The following CNTNAP2 variants were observed in gnomAD, a reference collection of about 807,000 sequenced individuals.
CNTNAP2 encodes the protein contactin-associated protein-like 2.
CNTNAP2 carries 98 observed loss-of-function variants against 155.2 expected under a neutral mutation model. The ratio of observed to expected loss-of-function variants is 0.63; its 90% CI spans 0.54 to 0.75. The LOEUF is 0.75. Among genes scored for constraint, CNTNAP2 ranks in the 30% least tolerant of loss-of-function variants. The probability of loss-of-function intolerance (pLI) is 0.00; values close to 1 mark genes in which losing one functional copy is unlikely to be tolerated. For synonymous variants in CNTNAP2, 651 were observed against 631.2 expected (o/e 1.03, Z -0.47); for missense variants, 1,727 against 1,688.1 (o/e 1.02, Z -0.40).
chr7:148,285,586 A>G (rs899765035), intron 21 of CNTNAP2, among the ~76,000 whole-genome samples: 3 of 152,272 alleles, frequency 2.0e-5, no homozygotes, highest in South Asian at 2.1e-4. Context: ...GCACTACATT[A>G]TCACTAATTC....
At chr7:148,118,426 C>T (rs1187936053) in intron 16 of CNTNAP2, 138 bp downstream of exon 16, 5 of 954,806 alleles carry the variant, frequency 5.2e-6, no homozygotes, top group Non-Finnish European at 8.0e-6. Context: ...GAGGTGGACA[C>T]ACAAGCCTGA....
intron 1 of CNTNAP2, among the ~76,000 whole-genome samples, chr7:146,544,615 G>T (rs1183278683): frequency 1.3e-5 from 2 of 151,898 alleles, no homozygotes; most frequent in African/African-American, 4.8e-5. Context: ...AGATAACTAG[G>T]ATCTCAGTTG....
chr7:146,234,448 C>A (rs563038209), intron 1 of CNTNAP2, among the ~76,000 whole-genome samples: 1 of 151,890 alleles, frequency 6.6e-6, no homozygotes, highest in African/African-American at 2.4e-5. Flanking sequence ...TTTTGCTGTG[C>A]AGAAGCTTTT....
intron 3 of CNTNAP2, among the ~76,000 whole-genome samples, chr7:146,910,631 T>C (rs1164792329): frequency 1.3e-5 from 2 of 150,576 alleles, no homozygotes; most frequent in African/African-American, 5.0e-5. Context: ...GATCCCTTCC[T>C]TACACCTTAT....
At chr7:147,682,422 G>A (rs936944750) in intron 13 of CNTNAP2, among the ~76,000 whole-genome samples, 1 of 152,040 alleles carries the variant, frequency 6.6e-6, no homozygotes, top group Non-Finnish European at 1.5e-5. Context: ...ATTTACATGT[G>A]TATGGTATTT....
At chr7:147,505,455 G>A (rs1417116469) in intron 11 of CNTNAP2, among the ~76,000 whole-genome samples, 1 of 152,002 alleles carries the variant, frequency 6.6e-6, no homozygotes, top group African/African-American at 2.4e-5. Flanking sequence ...TTATTTTATA[G>A]CCACACTATG....
chr7:146,323,476 G>A (rs1281491420), intron 1 of CNTNAP2, among the ~76,000 whole-genome samples: 2 of 151,842 alleles, frequency 1.3e-5, no homozygotes, highest in African/African-American at 2.4e-5. Flanking sequence ...GAAAGTTAAC[G>A]GCTATATAGG....
rs183240403 is a variant in CNTNAP2 at position 147,099,258 on chromosome 7, G to C, written c.551-8889G>C. Reference sequence around the variant, plus strand: ...GAAAGCTGGATAAAGGAAGCAGTTGGGGTGTGGACTCTGGATTGATTGCTT... The same window carrying C: ...GAAAGCTGGATAAAGGAAGCAGTTGCGGTGTGGACTCTGGATTGATTGCTT... On this transcript the variant is annotated intron_variant, in intron 4 of 23. Transcript: ENST00000361727. Among the ~76,000 whole-genome samples the C allele has an allele frequency of 7.9e-5, 12 of 152,256 alleles. No individual in the cohort carries two copies. The East Asian group carries it at 2.1e-3, about 27-fold the overall frequency.
chr7:147,760,129 C>G (rs941032157), intron 13 of CNTNAP2, among the ~76,000 whole-genome samples: 2 of 151,888 alleles, frequency 1.3e-5, no homozygotes, highest in Non-Finnish European at 2.9e-5. Flanking sequence ...ACATTATGAC[C>G]TTTTTTAAAA....
chr7:146,121,116 T>C (rs1312867100), intron 1 of CNTNAP2, among the ~76,000 whole-genome samples: 8 of 137,534 alleles, frequency 5.8e-5, no homozygotes, highest in African/African-American at 1.4e-4. Context: ...TACATAAAGC[T>C]TCCTTTTTTT....
chr7:147,741,170 G>C (rs1359713854), intron 13 of CNTNAP2, among the ~76,000 whole-genome samples: 1 of 152,178 alleles, frequency 6.6e-6, no homozygotes, highest in Non-Finnish European at 1.5e-5. Context: ...AGAGATTTGG[G>C]TCATTACAGC....
At chr7:148,321,517 T>C (rs536498017) in intron 21 of CNTNAP2, among the ~76,000 whole-genome samples, 1 of 152,260 alleles carries the variant, frequency 6.6e-6, no homozygotes, top group East Asian at 1.9e-4. Context: ...TCAAACAAGA[T>C]TATTTGTTGA....
chr7:147,742,126 GC>G (rs980813844), intron 13 of CNTNAP2, among the ~76,000 whole-genome samples: 1 of 152,062 alleles, frequency 6.6e-6, no homozygotes, highest in African/African-American at 2.4e-5. Context: ...GGAAAGGCCT[GC>G]CCCCCTGATT....
intron 13 of CNTNAP2, among the ~76,000 whole-genome samples, chr7:147,876,165 T>A (rs906121309): frequency 1.1e-4 from 16 of 152,178 alleles, no homozygotes; most frequent in Non-Finnish European, 2.1e-4. Flanking sequence ...TTCGAATGCG[T>A]GAGTGTCTCT....
intron 1 of CNTNAP2, among the ~76,000 whole-genome samples, chr7:146,247,397 T>C (rs1332266926): frequency 5.3e-5 from 8 of 151,228 alleles, no homozygotes; most frequent in East Asian, 2.0e-4. Context: ...GGTGGAGGAG[T>C]GGAGGCTGAG....
intron 1 of CNTNAP2, among the ~76,000 whole-genome samples, chr7:146,305,991 G>T (rs1367732591): frequency 6.6e-6 from 1 of 151,982 alleles, no homozygotes; most frequent in African/African-American, 2.4e-5. Context: ...AAAATTGATA[G>T]ACCGCTAGCA....
chr7:146,597,333 G>A (rs142743855), intron 1 of CNTNAP2, among the ~76,000 whole-genome samples: 3 of 151,946 alleles, frequency 2.0e-5, no homozygotes, highest in African/African-American at 4.8e-5. Flanking sequence ...CTCTGGTCAC[G>A]TATCCACAGA....
chr7:146,953,629 C>T (rs79316795), intron 3 of CNTNAP2, among the ~76,000 whole-genome samples: 6,447 of 151,886 alleles, frequency 0.042, 157 homozygotes, highest in Middle Eastern at 0.085. Flanking sequence ...ACCTTTTGAA[C>T]AAAAATCTTT....
intron 3 of CNTNAP2, among the ~76,000 whole-genome samples, chr7:146,887,987 T>C (rs1795701586): frequency 6.6e-6 from 1 of 152,168 alleles, no homozygotes; most frequent in Admixed American, 6.5e-5. Flanking sequence ...ATAACCTTGA[T>C]TTTTAGCTCT....
Sources: gnomAD v4.1 joint callset for allele counts (sites outside exome capture counted in the v4.1 genomes callset) on GRCh38, gnomAD v4.1.1 for gene constraint, MANE v1.5 for transcripts, NCBI Gene and HGNC (gene_info 2026-07-23, HGNC 2026-07-21) for gene names.